The following ENTPD1 variants were observed in gnomAD, a reference collection of about 807,000 sequenced individuals.
The protein encoded by ENTPD1 is ATP diphosphohydrolase.
ENTPD1 carries 33 observed loss-of-function variants against 57.0 expected under a neutral mutation model. The observed-to-expected ratio is 0.58, with a 90% CI of 0.44 to 0.77. ENTPD1 has a LOEUF of 0.77. Ranked by LOEUF, ENTPD1 falls within the 30% of genes least tolerant of loss-of-function variation. ENTPD1 has a pLI of 0.00. For synonymous variants in ENTPD1, 202 were observed against 218.8 expected (o/e 0.92, Z 0.68); for missense variants, 501 against 603.4 (o/e 0.83, Z 1.78).
At position 95,876,268 on chromosome 10, in the gene ENTPD1, T is replaced by C; in HGVS notation, c.*9885T>C. On this transcript the variant is annotated 3_prime_UTR_variant, in exon 10 of 10. Transcript: ENST00000371205. ...CTAATTTTATAATAACACAAGTTGA[T>C]TTTGACATCCAACTTATTAATTATG... The C allele has an allele frequency of 2.0e-6, 2 of 979,082 alleles. No individual in the cohort carries two copies. Among genetic ancestry groups the C allele is most frequent in the African/African-American group, 3.5e-5 (2 of 57,214 alleles). 60.6% of individuals were successfully genotyped at this position (979,082 alleles called of 1,614,324 possible). A position where few individuals can be genotyped will look rare whatever the true frequency, so the allele number is the denominator to read the frequency against.
At chr10:95,766,849 C>T (rs1237512171) in intron 1 of ENTPD1, among the ~76,000 whole-genome samples, 1 of 150,964 alleles carries the variant, frequency 6.6e-6, no homozygotes, top group Non-Finnish European at 1.5e-5. Flanking sequence ...CTGTGAATAA[C>T]GGACATCTTA....
At chr10:95,746,185 T>C (rs2098005871) in intron 1 of ENTPD1, among the ~76,000 whole-genome samples, 1 of 152,226 alleles carries the variant, frequency 6.6e-6, no homozygotes, top group Non-Finnish European at 1.5e-5. Flanking sequence ...GGCAATGTTT[T>C]GTTTAATCTG....
At chr10:95,813,869 C>G (rs890728184) in intron 1 of ENTPD1, among the ~76,000 whole-genome samples, 2 of 152,202 alleles carry the variant, frequency 1.3e-5, no homozygotes, top group South Asian at 4.1e-4. Context: ...GCTAGGCACC[C>G]TGGTTGAGTC....
chr10:95,864,788 A>G lies in ENTPD1; in HGVS notation c.1253A>G (p.Tyr418Cys). The change falls in exon 9 of 10, where the codon TAC becomes TGC. Residue 418 changes from tyrosine (Y) to cysteine (C), a missense_variant. Coordinates refer to ENST00000371205, the MANE Select transcript of ENTPD1 (RefSeq NM_001776.6). ...AGTGAATACTGCTTTTCTGGTACCT[A>G]CATTCTCTCCCTCCTTCTGCAAGGC... is the stretch of plus-strand genomic sequence containing the variant. ...YLSEYCFSGTYILSLLLQGYH... is the reference protein window; with the variant it reads ...YLSEYCFSGTCILSLLLQGYH... The G allele has an allele frequency of 6.2e-7, 1 of 1,614,090 alleles. No individual in the cohort carries two copies. The highest frequency in any genetic ancestry group is 8.5e-7 in the Non-Finnish European group (1 of 1,180,006).
intron 1 of ENTPD1, among the ~76,000 whole-genome samples, chr10:95,757,421 TG>T (rs889820467): frequency 1.7e-5 from 2 of 116,108 alleles, no homozygotes; most frequent in African/African-American, 6.5e-5. Context: ...GCAGGGCTGG[TG>T]GGCTTTTCCA....
chr10:95,711,213 C>G (rs1055937641), upstream of ENTPD1, among the ~76,000 whole-genome samples: 4 of 152,208 alleles, frequency 2.6e-5, no homozygotes, highest in Admixed American at 1.3e-4. Flanking sequence ...TCTGACCTGC[C>G]TCGTCTGACT....
In ENTPD1 at chr10:95,874,383, T is replaced by A. The variant is rs144595947; in HGVS notation, c.*8000T>A. On this transcript the variant is annotated 3_prime_UTR_variant, in exon 10 of 10. Coordinates refer to ENST00000371205, the MANE Select transcript of ENTPD1 (RefSeq NM_001776.6). ...AAGCTCCATAATGATCTCCTTTGAC[T>A]CCATGTCTCACATTCAGGTCATGCT... 6.6e-6 allele frequency among the ~76,000 whole-genome samples: 1 copy of A among 152,340 alleles called. No individual in the cohort carries two copies. Among genetic ancestry groups the A allele is most frequent in the African/African-American group, 2.4e-5 (1 of 41,582 alleles).
upstream of ENTPD1, among the ~76,000 whole-genome samples, chr10:95,708,411 A>G (rs1403368946): frequency 6.6e-6 from 1 of 151,952 alleles, no homozygotes; most frequent in East Asian, 1.9e-4. Flanking sequence ...ACAGGGTTTC[A>G]CTATGTTGGC....
chr10:95,796,100 C>A (rs1267175640), intron 1 of ENTPD1, among the ~76,000 whole-genome samples: 1 of 152,150 alleles, frequency 6.6e-6, no homozygotes, highest in African/African-American at 2.4e-5. Flanking sequence ...CAAATATATA[C>A]CTCCACTTTT....
At chr10:95,734,963 T>C (rs898824529) in intron 1 of ENTPD1, among the ~76,000 whole-genome samples, 7 of 152,084 alleles carry the variant, frequency 4.6e-5, no homozygotes, top group African/African-American at 1.7e-4. Flanking sequence ...GTGGGTAGGG[T>C]TACAGGCATT....
chr10:95,839,283 C>T (rs1462421715), intron 2 of ENTPD1: 1 of 261,594 alleles, frequency 3.8e-6, no homozygotes, highest in African/African-American at 2.2e-5. Flanking sequence ...GCCATTGAAG[C>T]TTTCCAGGTG....
chr10:95,838,604 T>C (rs542966094), intron 2 of ENTPD1, among the ~76,000 whole-genome samples: 2 of 152,300 alleles, frequency 1.3e-5, no homozygotes, highest in Non-Finnish European at 2.9e-5. Context: ...GCAGAACTCA[T>C]ACATGGTGGT....
chr10:95,803,555 GT>G, intron 1 of ENTPD1, among the ~76,000 whole-genome samples: 1 of 152,074 alleles, frequency 6.6e-6, no homozygotes, highest in Non-Finnish European at 1.5e-5. Flanking sequence ...TGATGGGGTT[GT>G]TTTTTTCTTG....
upstream of ENTPD1, chr10:95,755,016 T>C (rs2098018855): frequency 6.6e-6 from 1 of 152,224 alleles, no homozygotes; most frequent in South Asian, 2.1e-4. Flanking sequence ...TGGCTTTAGA[T>C]ACAAATTTAC....
At position 95,866,935 on chromosome 10, in the gene ENTPD1, G is replaced by C. The variant is rs893747119; in HGVS notation, c.*552G>C. ...TAGGCAAATATGTGCTAAAGCCAAA[G>C]AGTTTTATAAGGAAATATATGTGCT... is the stretch of plus-strand genomic sequence containing the variant. On this transcript the variant is annotated 3_prime_UTR_variant, in exon 10 of 10. Coordinates refer to ENST00000371205, the MANE Select transcript of ENTPD1 (RefSeq NM_001776.6). 7 of 1,012,144 alleles carry C rather than the reference G, an allele frequency of 6.9e-6. No homozygotes were observed. In the African/African-American group the frequency reaches 1.2e-4, roughly 18 times the overall value. The allele number at this position is 1,012,144 out of a possible 1,614,324, so 62.7% of individuals were successfully genotyped here.
rs943359829 is a variant in ENTPD1, at chr10:95,813,154, C to T, written c.17-10083C>T. On this transcript the variant is annotated intron_variant, in intron 1 of 9. Transcript: ENST00000371205. Reference sequence around the variant, plus strand: ...TAAAAGGTTACAGCCTGCAGGATGGCCATTTTGACAGGTTGGGAAGTATAG... The same window carrying T: ...TAAAAGGTTACAGCCTGCAGGATGGTCATTTTGACAGGTTGGGAAGTATAG... 7.2e-5 allele frequency among the ~76,000 whole-genome samples: 11 copies of T among 152,112 alleles called. No individual in the cohort carries two copies. In the South Asian group the frequency reaches 1.9e-3, roughly 26 times the overall value.
chr10:95,866,857 C>T lies in ENTPD1; in HGVS notation c.*474C>T. The T allele has an allele frequency of 9.6e-7, 1 of 1,039,800 alleles. No individual in the cohort carries two copies. Among genetic ancestry groups the T allele is most frequent in the East Asian group, 8.2e-5 (1 of 12,152 alleles). 64.4% of individuals were successfully genotyped at this position (1,039,800 alleles called of 1,614,324 possible). On this transcript the variant is annotated 3_prime_UTR_variant, in exon 10 of 10. Transcript: ENST00000371205. ...AGCCATATGATGCCTTTGGAGAAGG[C>T]AGACACACATTCCATTCCCAGCCTG...
At chr10:95,837,468 C>T (rs2098412760) in intron 2 of ENTPD1, among the ~76,000 whole-genome samples, 1 of 152,236 alleles carries the variant, frequency 6.6e-6, no homozygotes, top group African/African-American at 2.4e-5. Flanking sequence ...TCTTGGATTC[C>T]TTTCACTGCA....
upstream of ENTPD1, among the ~76,000 whole-genome samples, chr10:95,750,884 A>G (rs1325375967): frequency 1.3e-5 from 2 of 152,166 alleles, no homozygotes; most frequent in Non-Finnish European, 2.9e-5. Context: ...TTAGCCGGCC[A>G]TGGTGGCACG....
Sources: allele counts gnomAD v4.1 joint callset (sites outside exome capture counted in the v4.1 genomes callset), GRCh38; gene constraint gnomAD v4.1.1; transcripts MANE v1.5; gene names NCBI Gene and HGNC (gene_info 2026-07-23, HGNC 2026-07-21).